The following CSMD1 variants were observed in gnomAD, a reference collection of about 807,000 sequenced individuals.
CSMD1 encodes the protein CUB and Sushi multiple domains 1, also known as CUB and sushi domain-containing protein 1.
Under a neutral mutation model 417.5 loss-of-function variants are expected in CSMD1, and 213 were observed. The observed-to-expected ratio is 0.51, with a 90% CI of 0.46 to 0.57. The LOEUF is 0.57. Among genes scored for constraint, CSMD1 ranks in the 20% least tolerant of loss-of-function variants. The pLI is 0.00. For missense variants in CSMD1, 6,923 were observed against 4,529.7 expected (o/e 1.53, Z -15.17); for synonymous variants, 2,862 against 1,736.8 (o/e 1.65, Z -16.11).
chr8:3,641,113 G>A (rs917525403), intron 7 of CSMD1, among the ~76,000 whole-genome samples: 7 of 139,292 alleles, frequency 5.0e-5, no homozygotes, highest in African/African-American at 1.6e-4. Flanking sequence ...AAGTTAGACT[G>A]AAGTTATTGC....
intron 10 of CSMD1, among the ~76,000 whole-genome samples, chr8:3,523,804 C>G (rs916190973): frequency 2.7e-5 from 4 of 150,760 alleles, no homozygotes; most frequent in African/African-American, 7.3e-5. Flanking sequence ...CACACATGTG[C>G]ACATACACAC....
At chr8:4,071,221 A>G (rs1482031690) in intron 3 of CSMD1, among the ~76,000 whole-genome samples, 1 of 151,912 alleles carries the variant, frequency 6.6e-6, no homozygotes, top group African/African-American at 2.4e-5. Flanking sequence ...GTTTCAGCTA[A>G]ACGTCTGTTA....
intron 2 of CSMD1, among the ~76,000 whole-genome samples, chr8:4,570,257 A>G (rs746511110): frequency 2.0e-5 from 3 of 152,168 alleles, no homozygotes; most frequent in Non-Finnish European, 4.4e-5. Context: ...ACCATTCTGT[A>G]TGACATTGGC....
chr8:4,376,617 AAAT>A (rs1330361583), intron 3 of CSMD1, among the ~76,000 whole-genome samples: 3 of 152,140 alleles, frequency 2.0e-5, no homozygotes, highest in Non-Finnish European at 4.4e-5. Context: ...GGGGGGAATT[AAAT>A]AATATTTCTT....
chr8:4,164,251 A>G (rs997756218), intron 3 of CSMD1, among the ~76,000 whole-genome samples: 1 of 152,228 alleles, frequency 6.6e-6, no homozygotes, highest in African/African-American at 2.4e-5. Flanking sequence ...GAAAAAAACA[A>G]AATGATGTTA....
chr8:3,995,583 A>G lies in CSMD1; in HGVS notation c.818+2320T>C, dbSNP rs1001934425. On this transcript the variant is annotated intron_variant, in intron 5 of 69. Transcript: ENST00000635120. The stretch of plus-strand genomic sequence containing the variant: ...AGAAGAAAATGCCGTGGAGTCAGAG[A>G]CCTTGAACCTGAGCTCTGCCAAGGG... 2.0e-5 allele frequency among the ~76,000 whole-genome samples: 3 copies of G among 152,260 alleles called. No homozygotes were observed. In the South Asian group the frequency reaches 6.2e-4, roughly 32 times the overall value.
At chr8:4,384,987 C>G (rs1048023877) in intron 3 of CSMD1, among the ~76,000 whole-genome samples, 3 of 152,170 alleles carry the variant, frequency 2.0e-5, no homozygotes, top group Admixed American at 1.3e-4. Context: ...ATGGCGCAAT[C>G]TCGATCTCGG....
intron 7 of CSMD1, among the ~76,000 whole-genome samples, chr8:3,639,901 TTG>T (rs1349658264): frequency 1.3e-5 from 2 of 152,230 alleles, no homozygotes; most frequent in African/African-American, 4.8e-5. Context: ...GTTATCTTCT[TTG>T]TGTTTTGCTA....
chr8:3,500,662 G>C (rs577764847), intron 10 of CSMD1, among the ~76,000 whole-genome samples: 3 of 152,274 alleles, frequency 2.0e-5, no homozygotes, highest in Admixed American at 6.5e-5. Flanking sequence ...TTAAGGAGGA[G>C]GGAGTGATCA....
chr8:3,504,378 G>A (rs184093845), intron 10 of CSMD1, among the ~76,000 whole-genome samples: 1 of 152,284 alleles, frequency 6.6e-6, no homozygotes, highest in Non-Finnish European at 1.5e-5. Context: ...TCCGTAAAAT[G>A]AGAATGATGC....
At chr8:4,917,942 G>C (rs1404162720) in intron 1 of CSMD1, among the ~76,000 whole-genome samples, 1 of 152,194 alleles carries the variant, frequency 6.6e-6, no homozygotes. Context: ...AGTTGATACA[G>C]AAAATATGCT....
intron 1 of CSMD1, among the ~76,000 whole-genome samples, chr8:4,745,171 T>C (rs1810872760): frequency 6.6e-6 from 1 of 152,190 alleles, no homozygotes; most frequent in Admixed American, 6.5e-5. Flanking sequence ...TGTAGGTAAG[T>C]TCTAATCAAT....
At chr8:3,491,485 A>T (rs759999514) in intron 11 of CSMD1, among the ~76,000 whole-genome samples, 6 of 152,164 alleles carry the variant, frequency 3.9e-5, no homozygotes, top group African/African-American at 1.4e-4. Context: ...CATCATTATT[A>T]TAATAAGTTG....
At chr8:4,126,741 C>CA (rs1802786409) in intron 3 of CSMD1, among the ~76,000 whole-genome samples, 1 of 152,182 alleles carries the variant, frequency 6.6e-6, no homozygotes, top group East Asian at 1.9e-4. Context: ...GAAAAGCCAA[C>CA]AAAAAAATAA....
At chr8:3,660,170 T>C (rs2624109) in intron 7 of CSMD1, among the ~76,000 whole-genome samples, 9,467 of 152,286 alleles carry the variant, frequency 0.062, 467 homozygotes, top group African/African-American at 0.14. Flanking sequence ...GAGGCTATTA[T>C]ACTGCAGTGG....
chr8:3,259,896 A>G (rs535151755), intron 26 of CSMD1, among the ~76,000 whole-genome samples: 75 of 152,312 alleles, frequency 4.9e-4, no homozygotes, highest in African/African-American at 1.3e-3. Flanking sequence ...ATGAAATTCA[A>G]ACACATCTCT....
chr8:3,892,673 A>AAGTAGGTGAATTAAGTAGGTGAATTAAGT (rs1281606167), intron 5 of CSMD1, among the ~76,000 whole-genome samples: 14 of 150,742 alleles, frequency 9.3e-5, no homozygotes, highest in Non-Finnish European at 2.1e-4. Context: ...GACTGGGTTC[A>AAGTAGGTGAATTAAGTAGGTGAATTAAGT]AGGTGAATTA....
At chr8:4,639,632 G>C (rs995892523) in intron 1 of CSMD1, among the ~76,000 whole-genome samples, 2 of 152,196 alleles carry the variant, frequency 1.3e-5, no homozygotes, top group Non-Finnish European at 2.9e-5. Context: ...TACTCAGATT[G>C]TGGCATGTAG....
intron 1 of CSMD1, among the ~76,000 whole-genome samples, chr8:4,856,181 G>C (rs889794154): frequency 7.6e-6 from 1 of 132,438 alleles, no homozygotes; most frequent in African/African-American, 2.8e-5. Flanking sequence ...ATAAGTGAAG[G>C]AGAAATAAAA....
Sources: allele counts gnomAD v4.1 joint callset (sites outside exome capture counted in the v4.1 genomes callset), GRCh38; gene constraint gnomAD v4.1.1; transcripts MANE v1.5; gene names NCBI Gene and HGNC (gene_info 2026-07-23, HGNC 2026-07-21).